Variants in TMEM117 observed in about 807,000 individuals in gnomAD.
TMEM117 encodes transmembrane protein 117.
TMEM117 carries 27 observed loss-of-function variants against 52.4 expected under a neutral mutation model. That is an observed-to-expected ratio of 0.51 (90% CI 0.38 to 0.71). TMEM117 has a LOEUF of 0.71. TMEM117 is among the 30% of genes least tolerant of loss of function. TMEM117 has a pLI of 0.00. For synonymous variants in TMEM117, 215 were observed against 206.3 expected, an observed-to-expected ratio of 1.04 and a Z score of -0.36; for missense variants, 556 against 630.5, an observed-to-expected ratio of 0.88 and a Z score of 1.26.
At position 44,376,704 on chromosome 12, in the gene TMEM117, A is replaced by C; in HGVS notation, c.878A>C (p.Glu293Ala). The C allele has an allele frequency of 1.9e-6, 3 of 1,610,506 alleles. No individual in the cohort carries two copies. The highest frequency in any genetic ancestry group is 2.5e-6 in the Non-Finnish European group (3 of 1,178,840). ...TTCTTCCAGAAAATCTTCAAGGAGG[A>C]ATATCGTATTCACATAACAGGTGTG... ...IPFFQKIFKE[E>A]YRIHITGKWF... is the part of the protein sequence containing the mutation. The change falls in exon 7 of 8, where the codon GAA (glutamate) becomes GCA (alanine). Residue 293 changes from glutamate (E) to alanine (A), a missense_variant. Glu to Ala is a moderately radical substitution (Grantham distance 107). Transcript: ENST00000266534.
chr12:43,817,130 T>C, the TMEM117 span, among the ~76,000 whole-genome samples: 1 of 152,212 alleles, frequency 6.6e-6, no homozygotes, highest in African/African-American at 2.4e-5. Context: ...TGACACAGAA[T>C]TGAGTAAAAA....
chr12:43,801,120 TA>T, the TMEM117 span, among the ~76,000 whole-genome samples: 1 of 152,130 alleles, frequency 6.6e-6, no homozygotes, highest in African/African-American at 2.4e-5. Context: ...AGTTCAAGAA[TA>T]AAAAATTAAA....
At position 43,887,402 on chromosome 12, in the gene TMEM117, A is replaced by G. The variant is rs76223423; in HGVS notation, c.277+42474A>G. Among the ~76,000 whole-genome samples, 1,162 of 152,320 alleles carry G rather than the reference A, an allele frequency of 7.6e-3. 12 individuals are homozygous for G. The highest frequency in any genetic ancestry group is 0.025 in the African/African-American group (1,057 of 41,552). On this transcript the variant is annotated intron_variant, in intron 2 of 7. Transcript: ENST00000266534. The stretch of plus-strand genomic sequence containing the variant: ...AATGTACACAAAACTGAGTAAAACA[A>G]ATTATTGTAGGTTGTTGAAATAGCA...
At chr12:44,311,805 GTA>G (rs1410938648) in intron 6 of TMEM117, among the ~76,000 whole-genome samples, 1 of 99,374 alleles carries the variant, frequency 1.0e-5, no homozygotes, top group East Asian at 2.3e-4. Flanking sequence ...ATGTATATAT[GTA>G]TATATGTATA....
At chr12:44,016,539 G>A (rs893202894) in intron 3 of TMEM117, among the ~76,000 whole-genome samples, 1 of 151,838 alleles carries the variant, frequency 6.6e-6, no homozygotes, top group Admixed American at 6.6e-5. Flanking sequence ...TTTTCTCTAG[G>A]GCTTTCACTA....
chr12:43,821,099 TAAA>T, the TMEM117 span, among the ~76,000 whole-genome samples: 1 of 112,348 alleles, frequency 8.9e-6, no homozygotes. Flanking sequence ...CCTCTCACAT[TAAA>T]AAAAAAAAAA....
upstream of TMEM117, chr12:43,836,041 G>A: frequency 6.6e-6 from 1 of 151,506 alleles, no homozygotes; most frequent in Admixed American, 6.6e-5. Flanking sequence ...GCGGGTGTGG[G>A]CCGAGCCGGT....
At chr12:44,010,363 G>T in intron 3 of TMEM117, 1 of 387,250 alleles carries the variant, frequency 2.6e-6, no homozygotes, top group Non-Finnish European at 5.2e-6. Flanking sequence ...TTGAAGCTCT[G>T]TTCCTGCGCC....
At chr12:44,097,781 A>G (rs955224911) in intron 3 of TMEM117, among the ~76,000 whole-genome samples, 7 of 148,776 alleles carry the variant, frequency 4.7e-5, no homozygotes, top group East Asian at 1.9e-4. Flanking sequence ...AATGGGTGCA[A>G]TACACCAACA....
At chr12:44,337,338 A>T (rs1257874701) in intron 6 of TMEM117, among the ~76,000 whole-genome samples, 1 of 152,042 alleles carries the variant, frequency 6.6e-6, no homozygotes, top group Non-Finnish European at 1.5e-5. Flanking sequence ...TTTATAATCC[A>T]TTCATGAGGA....
intron 3 of TMEM117, among the ~76,000 whole-genome samples, chr12:44,023,214 C>T (rs1166272890): frequency 6.6e-6 from 1 of 152,162 alleles, no homozygotes; most frequent in African/African-American, 2.4e-5. Context: ...TTTCTTAATC[C>T]AGTCTATCGT....
chr12:44,310,170 A>G (rs1395835987), intron 6 of TMEM117, among the ~76,000 whole-genome samples: 1 of 152,210 alleles, frequency 6.6e-6, no homozygotes, highest in Non-Finnish European at 1.5e-5. Context: ...TAGTTGAAAA[A>G]TGTTTCAGTT....
intron 3 of TMEM117, among the ~76,000 whole-genome samples, chr12:44,035,970 A>G (rs1946703967): frequency 6.6e-6 from 1 of 152,146 alleles, no homozygotes; most frequent in Non-Finnish European, 1.5e-5. Context: ...GACATGATAG[A>G]AGGACATATC....
intron 5 of TMEM117, among the ~76,000 whole-genome samples, chr12:44,267,530 A>C (rs2138557268): frequency 6.6e-6 from 1 of 152,340 alleles, no homozygotes; most frequent in Admixed American, 6.5e-5. Flanking sequence ...TATGATAAGA[A>C]TAATTAATGT....
chr12:44,365,985 G>A (rs1252256719), intron 6 of TMEM117, among the ~76,000 whole-genome samples: 1 of 152,014 alleles, frequency 6.6e-6, no homozygotes, highest in Non-Finnish European at 1.5e-5. Flanking sequence ...GACTGTCATT[G>A]TCTGTAACTA....
chr12:43,852,789 C>G (rs1157677512), intron 2 of TMEM117, among the ~76,000 whole-genome samples: 6 of 152,172 alleles, frequency 3.9e-5, no homozygotes. Context: ...CTATTATTTA[C>G]CTTCTCTCTT....
chr12:44,365,794 T>C (rs1015711069), intron 6 of TMEM117, among the ~76,000 whole-genome samples: 2 of 152,016 alleles, frequency 1.3e-5, no homozygotes, highest in Non-Finnish European at 2.9e-5. Flanking sequence ...CTAGGGTACA[T>C]GTGCAGAACG....
At chr12:44,390,115 A>G (rs1952152081), downstream of TMEM117, among the ~76,000 whole-genome samples, 1 of 151,930 alleles carries the variant, frequency 6.6e-6, no homozygotes, top group Non-Finnish European at 1.5e-5. Flanking sequence ...AAACATCTTT[A>G]CTAAGCATTT....
At chr12:43,998,040 C>T (rs1946059835) in intron 3 of TMEM117, among the ~76,000 whole-genome samples, 2 of 152,186 alleles carry the variant, frequency 1.3e-5, no homozygotes, top group Non-Finnish European at 1.5e-5. Flanking sequence ...TCTTACTAGT[C>T]TAGTAGAGTG....
Sources: allele counts gnomAD v4.1 joint callset (sites outside exome capture counted in the v4.1 genomes callset), GRCh38; gene constraint gnomAD v4.1.1; transcripts MANE v1.5; gene names NCBI Gene and HGNC (gene_info 2026-07-23, HGNC 2026-07-21).